The following NRG1 variants were observed in gnomAD, a reference collection of about 807,000 sequenced individuals.
NRG1 encodes the protein pro-neuregulin-1, membrane-bound isoform.
Under a neutral mutation model 63.8 loss-of-function variants are expected in NRG1, and 18 were observed. That is an observed-to-expected ratio of 0.28 (90% confidence interval 0.19 to 0.42). NRG1 has a LOEUF of 0.42. Ranked by LOEUF, NRG1 falls within the 10% of genes least tolerant of loss-of-function variation. The pLI, the probability that NRG1 is intolerant of heterozygous loss-of-function variation, is 1.00. For synonymous variants in NRG1, 302 were observed against 301.3 expected (o/e 1.00, Z -0.02); for missense variants, 762 against 814.7 (o/e 0.94, Z 0.79).
intron 1 of NRG1, among the ~76,000 whole-genome samples, chr8:31,740,210 C>G (rs1189495899): frequency 6.6e-6 from 1 of 152,026 alleles, no homozygotes; most frequent in Non-Finnish European, 1.5e-5. Flanking sequence ...AGACCAAACC[C>G]ATGCATGGGA....
At chr8:32,454,036 C>G (rs535519270) in intron 1 of NRG1, among the ~76,000 whole-genome samples, 3 of 152,168 alleles carry the variant, frequency 2.0e-5, no homozygotes, top group Non-Finnish European at 2.9e-5. Context: ...ATTTCTGATG[C>G]GTAAAGCATA....
intron 1 of NRG1, among the ~76,000 whole-genome samples, chr8:32,093,829 T>A (rs1829526165): frequency 6.6e-6 from 1 of 152,172 alleles, no homozygotes; most frequent in Non-Finnish European, 1.5e-5. Context: ...TTGGATAAGA[T>A]CTTTGAAAGG....
At chr8:32,089,064 G>C (rs1828710112) in intron 1 of NRG1, among the ~76,000 whole-genome samples, 1 of 152,140 alleles carries the variant, frequency 6.6e-6, no homozygotes, top group Non-Finnish European at 1.5e-5. Context: ...GTGTGAAAAG[G>C]TATGTGTGTG....
At chr8:32,588,301 A>G (rs1360143378) in intron 1 of NRG1, among the ~76,000 whole-genome samples, 1 of 152,304 alleles carries the variant, frequency 6.6e-6, no homozygotes, top group Non-Finnish European at 1.5e-5. Context: ...CAATGGCCTT[A>G]GCATAAGCAT....
intron 1 of NRG1, among the ~76,000 whole-genome samples, chr8:31,934,633 C>T (rs1419326178): frequency 2.6e-5 from 4 of 151,844 alleles, no homozygotes; most frequent in Admixed American, 6.6e-5. Context: ...TTGTTATTAT[C>T]CACGGAAAGG....
intron 1 of NRG1, among the ~76,000 whole-genome samples, chr8:32,344,449 GTGTGTGTGTC>G (rs1804588015): frequency 1.5e-5 from 2 of 130,384 alleles, no homozygotes; most frequent in Non-Finnish European, 3.3e-5. Context: ...GTGTGTGTGT[GTGTGTGTGTC>G]TCACTCTGCT....
At chr8:31,674,066 G>T (rs1200643267) in intron 1 of NRG1, among the ~76,000 whole-genome samples, 1 of 152,098 alleles carries the variant, frequency 6.6e-6, no homozygotes, top group Non-Finnish European at 1.5e-5. Context: ...TGTGTCTGGT[G>T]TCTTTCAGTT....
rs35437908 is a variant in NRG1 at position 32,404,585 on chromosome 8, C to CTTTTTT, written c.38-191229_38-191224dup. ...AAACTCATTCTGTTTTCTTCTTCAT[C>CTTTTTT]TTTTTTTTTTTTTTTTTTTAATGGA... On this transcript the variant is annotated intron_variant, in intron 1 of 10. Coordinates refer to the NRG1 transcript ENST00000519301. 1.0e-4 allele frequency among the ~76,000 whole-genome samples: 12 copies of CTTTTTT among 116,940 alleles called. 1 individual carries two copies. Among genetic ancestry groups the CTTTTTT allele is most frequent in the Admixed American group, 1.9e-4 (2 of 10,382 alleles). 76.7% of individuals were successfully genotyped at this position (116,940 alleles called of 152,430 possible).
At chr8:31,888,366 G>A (rs28691699) in intron 1 of NRG1, among the ~76,000 whole-genome samples, 2,653 of 152,100 alleles carry the variant, frequency 0.017, 88 homozygotes, top group African/African-American at 0.061. Context: ...AAGAGAATAC[G>A]CTTTGTTAAA....
chr8:31,807,315 A>G (rs534005123), intron 1 of NRG1, among the ~76,000 whole-genome samples: 1 of 152,322 alleles, frequency 6.6e-6, no homozygotes, highest in South Asian at 2.1e-4. Flanking sequence ...AGACTTTTGT[A>G]TCAACAGTAG....
At chr8:32,632,303 A>G (rs113524572) in intron 5 of NRG1, among the ~76,000 whole-genome samples, 4,801 of 152,234 alleles carry the variant, frequency 0.032, 140 homozygotes, top group African/African-American at 0.082. Context: ...CTGTAATCCC[A>G]GCACTTTGGG....
intron 1 of NRG1, among the ~76,000 whole-genome samples, chr8:32,591,630 G>A (rs1842539404): frequency 6.6e-6 from 1 of 152,018 alleles, no homozygotes; most frequent in African/African-American, 2.4e-5. Context: ...AATACCGCTT[G>A]CAGAATTTAA....
intron 1 of NRG1, among the ~76,000 whole-genome samples, chr8:32,454,634 C>T (rs1315127473): frequency 2.2e-5 from 3 of 137,950 alleles, no homozygotes; most frequent in Non-Finnish European, 4.5e-5. Context: ...CTCAAATGAA[C>T]CTCCTACCTT....
At chr8:31,882,924 G>A (rs1219617421) in intron 1 of NRG1, among the ~76,000 whole-genome samples, 1 of 152,062 alleles carries the variant, frequency 6.6e-6, no homozygotes, top group Non-Finnish European at 1.5e-5. Flanking sequence ...AAGATCCTGT[G>A]AACATTATTG....
intron 7 of NRG1, chr8:32,743,388 A>G (rs1256905138): frequency 1.1e-5 from 2 of 186,800 alleles, no homozygotes; most frequent in African/African-American, 4.8e-5. Flanking sequence ...TAGTTTAAAC[A>G]ATTATTTATT....
intron 1 of NRG1, among the ~76,000 whole-genome samples, chr8:32,206,623 G>C (rs1240773326): frequency 6.6e-6 from 1 of 152,102 alleles, no homozygotes; most frequent in African/African-American, 2.4e-5. Flanking sequence ...TCAGAATAAT[G>C]CCCCTCCATG....
chr8:31,675,899 T>A (rs4629821), intron 1 of NRG1, among the ~76,000 whole-genome samples: 32,928 of 152,098 alleles, frequency 0.22, 4,326 homozygotes, highest in East Asian at 0.59. Flanking sequence ...CCAAATTTTG[T>A]GCCTTTTCTG....
intron 1 of NRG1, among the ~76,000 whole-genome samples, chr8:32,411,860 A>G (rs1445882496): frequency 6.6e-6 from 1 of 152,136 alleles, no homozygotes; most frequent in Non-Finnish European, 1.5e-5. Context: ...ATCAAAATAA[A>G]ATCAAAATAA....
chr8:31,776,862 A>G (rs1819197223), intron 1 of NRG1, among the ~76,000 whole-genome samples: 1 of 152,162 alleles, frequency 6.6e-6, no homozygotes, highest in Admixed American at 6.5e-5. Flanking sequence ...TACAAAGGAC[A>G]TGAACTCATC....
Sources: gnomAD v4.1 joint callset for allele counts (sites outside exome capture counted in the v4.1 genomes callset) on GRCh38, gnomAD v4.1.1 for gene constraint, MANE v1.5 for transcripts, NCBI Gene and HGNC (gene_info 2026-07-23, HGNC 2026-07-21) for gene names.